PRKG1: variants seen among roughly 807,000 people sequenced by gnomAD.
The protein encoded by PRKG1 is protein kinase cGMP-dependent 1.
In PRKG1, 35 loss-of-function variants were observed where a neutral mutation model predicts 88.1. That is an observed-to-expected ratio of 0.40 (90% confidence interval 0.30 to 0.53). The LOEUF is 0.53. Among genes scored for constraint, PRKG1 ranks in the 20% least tolerant of loss-of-function variants. The pLI is 0.59. For synonymous variants in PRKG1, 303 were observed against 292.5 expected (o/e 1.04, Z -0.37); for missense variants, 540 against 839.8 (o/e 0.64, Z 4.41).
intron 8 of PRKG1, among the ~76,000 whole-genome samples, chr10:52,149,683 C>T (rs1306990601): frequency 1.3e-5 from 2 of 152,114 alleles, no homozygotes; most frequent in African/African-American, 4.8e-5. Context: ...TGATCGTGGA[C>T]TTCCAGCCTC....
At chr10:51,701,926 T>C (rs531431135) in intron 3 of PRKG1, among the ~76,000 whole-genome samples, 1 of 152,302 alleles carries the variant, frequency 6.6e-6, no homozygotes, top group Non-Finnish European at 1.5e-5. Flanking sequence ...AATTTGCATT[T>C]CTAATAAGCT....
chr10:51,641,131 G>T (rs1358283492), intron 3 of PRKG1, among the ~76,000 whole-genome samples: 6 of 152,032 alleles, frequency 3.9e-5, no homozygotes, highest in Admixed American at 3.9e-4. Flanking sequence ...AATCATAAAT[G>T]ACTTCCAAGA....
chr10:51,319,353 T>C (rs1003671241), intron 2 of PRKG1, among the ~76,000 whole-genome samples: 2 of 152,234 alleles, frequency 1.3e-5, no homozygotes, highest in Admixed American at 6.5e-5. Flanking sequence ...TATAGATCCC[T>C]AGAAGAAAGG....
At position 51,841,652 on chromosome 10, in the gene PRKG1, T is replaced by TA. The variant is rs35867330; in HGVS notation, c.698+36972dup. On this transcript the variant is annotated intron_variant, in intron 4 of 17. Transcript: ENST00000373980. ...GAATTCATGCTGTGACTGAATTTGT[T>TA]AAAAAAAAAAGACCAAAATATGGTT... 4.4e-3 allele frequency among the ~76,000 whole-genome samples: 660 copies of TA among 151,400 alleles called. 3 individuals are homozygous for TA. Among genetic ancestry groups the TA allele is most frequent in the Non-Finnish European group, 4.7e-3 (317 of 67,756 alleles).
rs183214369 is a variant in PRKG1 at position 51,033,191 on chromosome 10, T to C, written c.266+41547T>C. 1.1e-4 allele frequency among the ~76,000 whole-genome samples: 16 copies of C among 152,280 alleles called. No individual in the cohort carries two copies. The East Asian group carries it at 3.1e-3, about 29-fold the overall frequency. ...CCTATGTCCAGTTACTCATAGGACA[T>C]CTTCATTTGGACGTGCTTCCCTCCT... On this transcript the variant is annotated intron_variant, in intron 1 of 17. Transcript: ENST00000401604.
intron 4 of PRKG1, among the ~76,000 whole-genome samples, chr10:51,847,933 A>G (rs933810754): frequency 3.3e-5 from 5 of 150,424 alleles, no homozygotes; most frequent in South Asian, 2.1e-4. Context: ...CAAGTTGTAC[A>G]TATACATTAA....
intron 5 of PRKG1, among the ~76,000 whole-genome samples, chr10:51,927,802 A>C (rs1258479827): frequency 6.6e-6 from 1 of 152,196 alleles, no homozygotes; most frequent in Admixed American, 6.5e-5. Context: ...TTATCATTTG[A>C]GACTATGTTA....
At chr10:51,261,511 C>CA (rs150653024) in intron 2 of PRKG1, among the ~76,000 whole-genome samples, 2,117 of 152,286 alleles carry the variant, frequency 0.014, 54 homozygotes, top group African/African-American at 0.047. Flanking sequence ...ACAAAGCTAA[C>CA]ATGTACATAT....
chr10:51,441,028 A>C (rs1839090243), intron 2 of PRKG1, among the ~76,000 whole-genome samples: 1 of 152,030 alleles, frequency 6.6e-6, no homozygotes, highest in Non-Finnish European at 1.5e-5. Flanking sequence ...GACAAATGAA[A>C]GCCAACATTG....
intron 2 of PRKG1, among the ~76,000 whole-genome samples, chr10:51,166,243 G>A (rs1315178193): frequency 6.6e-6 from 1 of 150,704 alleles, no homozygotes; most frequent in Non-Finnish European, 1.5e-5. Context: ...GTAATAACTT[G>A]CTCCGATATT....
chr10:51,587,399 G>A (rs984580376), intron 3 of PRKG1, among the ~76,000 whole-genome samples: 8 of 152,034 alleles, frequency 5.3e-5, no homozygotes, highest in East Asian at 1.9e-4. Context: ...TCCTCATTCC[G>A]TGTCAGGATT....
rs1177328165 is a variant in PRKG1 at position 52,054,537 on chromosome 10, C to T, written c.816C>T (p.Thr272=). 6.2e-7 allele frequency: 1 copy of T among 1,613,814 alleles called. No individual in the cohort carries two copies. Residue 272 remains threonine (T), a synonymous_variant, in exon 6 of 18, where the codon ACC becomes ACT. Coordinates refer to ENST00000373980, the MANE Select transcript of PRKG1 (RefSeq NM_006258.4). ...YIIRQGARGD[T]FFIISKGTVN... The stretch of plus-strand genomic sequence containing the variant: ...TCAGGCAAGGTGCAAGAGGGGACAC[C>T]TTCTTTATCATCAGCAAAGGAACGG...
At chr10:51,666,387 TA>T (rs1340984879) in intron 3 of PRKG1, among the ~76,000 whole-genome samples, 2 of 152,224 alleles carry the variant, frequency 1.3e-5, no homozygotes, top group Non-Finnish European at 2.9e-5. Flanking sequence ...GGCTGGGAAT[TA>T]AATTGGAATG....
At chr10:51,894,226 A>G (rs185010945) in intron 4 of PRKG1, among the ~76,000 whole-genome samples, 4 of 152,326 alleles carry the variant, frequency 2.6e-5, no homozygotes, top group East Asian at 1.9e-4. Flanking sequence ...TAAGGCTATC[A>G]ATCTTCCTGC....
intron 5 of PRKG1, among the ~76,000 whole-genome samples, chr10:51,934,718 A>T (rs573180315): frequency 1.3e-5 from 2 of 152,256 alleles, no homozygotes; most frequent in South Asian, 4.1e-4. Context: ...AGCCTTGCCA[A>T]TTGTGGATGA....
chr10:51,127,335 G>T (rs189858065), intron 1 of PRKG1, among the ~76,000 whole-genome samples: 1 of 152,256 alleles, frequency 6.6e-6, no homozygotes, highest in East Asian at 1.9e-4. Context: ...AGACATATTT[G>T]TTGCCAAGAA....
At chr10:51,576,267 T>C (rs1411322132) in intron 3 of PRKG1, among the ~76,000 whole-genome samples, 2 of 151,952 alleles carry the variant, frequency 1.3e-5, no homozygotes, top group Non-Finnish European at 2.9e-5. Flanking sequence ...GAAACAGTTA[T>C]GTGTATGAAT....
chr10:51,973,049 C>A (rs527645016), intron 5 of PRKG1, among the ~76,000 whole-genome samples: 1 of 152,096 alleles, frequency 6.6e-6, no homozygotes, highest in Non-Finnish European at 1.5e-5. Flanking sequence ...CATGAGGCAG[C>A]GGCACTTTGG....
At chr10:51,481,963 A>T (rs1246547282) in intron 3 of PRKG1, among the ~76,000 whole-genome samples, 1 of 152,152 alleles carries the variant, frequency 6.6e-6, no homozygotes, top group African/African-American at 2.4e-5. Context: ...TTTAGTTCAT[A>T]TACAATAATT....
Sources: allele counts gnomAD v4.1 joint callset (sites outside exome capture counted in the v4.1 genomes callset), GRCh38; gene constraint gnomAD v4.1.1; transcripts MANE v1.5; gene names NCBI Gene and HGNC (gene_info 2026-07-23, HGNC 2026-07-21).